Variants in FAIM2 observed in about 807,000 individuals in gnomAD.
The protein encoded by FAIM2 is Fas apoptotic inhibitory molecule 2, also known as protein lifeguard 2.
FAIM2 carries 27 observed loss-of-function variants against 47.4 expected under a neutral mutation model. The ratio of observed to expected loss-of-function variants is 0.57; its 90% CI spans 0.42 to 0.78. The LOEUF is 0.78. Ranked by LOEUF, FAIM2 falls within the 30% of genes least tolerant of loss-of-function variation. The pLI is 0.00. For synonymous variants in FAIM2, 156 were observed against 159.3 expected (o/e 0.98, Z 0.16); for missense variants, 311 against 389.4 (o/e 0.80, Z 1.69).
chr12:49,878,388 A>ATC (rs1946759465), intron 11 of FAIM2, among the ~76,000 whole-genome samples: 1 of 19,522 alleles, frequency 5.1e-5, no homozygotes, highest in African/African-American at 3.3e-4. Flanking sequence ...ATGTGTGTAT[A>ATC]TGTGTGTGTC....
chr12:49,897,778 T>C (rs989874171), intron 3 of FAIM2, among the ~76,000 whole-genome samples, 195 bp from the exon 4 acceptor site: 6 of 150,868 alleles, frequency 4.0e-5, no homozygotes, highest in East Asian at 2.0e-4. Flanking sequence ...CCCCCCAGCA[T>C]TGGGAGAAAA....
intron 11 of FAIM2, among the ~76,000 whole-genome samples, chr12:49,871,624 A>G (rs1374195458): frequency 6.6e-6 from 1 of 151,860 alleles, no homozygotes; most frequent in African/African-American, 2.4e-5. Context: ...GTGATGAAGC[A>G]CTGATCCACG....
At chr12:49,896,605 C>T in intron 5 of FAIM2, among the ~76,000 whole-genome samples, 1 of 152,210 alleles carries the variant, frequency 6.6e-6, no homozygotes, top group East Asian at 1.9e-4. Flanking sequence ...ATACCCAGCC[C>T]TTATTAAGCA....
rs79538930 is a variant in FAIM2 at position 49,889,586 on chromosome 12, G to A, written c.564-18C>T. ...TGTAGTAGCTGAGGACCGTCAGGCC[G>A]AGGGGTCAGCTCTCAGGCAGGGCAT... is the stretch of plus-strand genomic sequence containing the variant. On this transcript the variant is annotated intron_variant, in intron 8 of 11. Coordinates refer to ENST00000320634, the MANE Select transcript of FAIM2 (RefSeq NM_012306.4). 74 of 1,609,774 alleles carry A rather than the reference G, an allele frequency of 4.6e-5. 1 individual carries two copies. In the East Asian group the frequency reaches 8.9e-4, roughly 19 times the overall value.
chr12:49,901,348 G>A, intron 1 of FAIM2, 23 bp from the exon 2 acceptor site: 1 of 1,490,940 alleles, frequency 6.7e-7, no homozygotes, highest in Non-Finnish European at 8.9e-7. Flanking sequence ...GTCAGAGAGA[G>A]AGATAGTCAC....
chr12:49,901,631 T>C, intron 1 of FAIM2: 1 of 277,880 alleles, frequency 3.6e-6, no homozygotes, highest in South Asian at 1.5e-4. Context: ...GTCTCTATGG[T>C]TCCAGAAAAG....
chr12:49,901,681 G>A (rs1465943198), intron 1 of FAIM2: 1 of 179,630 alleles, frequency 5.6e-6, no homozygotes, highest in Non-Finnish European at 1.1e-5. Flanking sequence ...AAAAGGTTAT[G>A]TCATTTAATC....
At chr12:49,875,519 A>AC (rs1946730248) in intron 11 of FAIM2, among the ~76,000 whole-genome samples, 2 of 152,108 alleles carry the variant, frequency 1.3e-5, no homozygotes, top group African/African-American at 4.8e-5. Context: ...CTCTCCACTG[A>AC]CCTGGATGTC....
rs1565613910 is a variant in FAIM2, at chr12:49,879,281, T to TGTGTGG, written c.801+8104_801+8105insCCACAC. On this transcript the variant is annotated intron_variant, in intron 11 of 11. Coordinates refer to ENST00000320634, the MANE Select transcript of FAIM2 (RefSeq NM_012306.4). ...GTGTATGTGTGCATGTGTATATGTGTGTATGTGTGTGGGTATGTGTATGCA... is the reference window on the plus strand; with the variant it reads ...GTGTATGTGTGCATGTGTATATGTGTGTGTGGGTATGTGTGTGGGTATGTGTATGCA... 1.0e-4 allele frequency among the ~76,000 whole-genome samples: 3 copies of TGTGTGG among 29,292 alleles called. 1 individual carries two copies. Among genetic ancestry groups the TGTGTGG allele is most frequent in the South Asian group, 1.9e-3 (2 of 1,028 alleles). 19.2% of individuals were successfully genotyped at this position (29,292 alleles called of 152,430 possible). A position where few individuals can be genotyped will look rare whatever the true frequency, so the allele number is the denominator to read the frequency against.
chr12:49,897,488 T>C (rs772479139), intron 4 of FAIM2, 31 bp downstream of exon 4: 1 of 1,606,768 alleles, frequency 6.2e-7, no homozygotes, highest in Non-Finnish European at 8.5e-7. Context: ...TAGTCATCCC[T>C]GGAAGGTGCT....
At position 49,874,241 on chromosome 12, in the gene FAIM2, A is replaced by G. The variant is rs1946721191; in HGVS notation, c.802-3588T>C. Among the ~76,000 whole-genome samples the G allele has an allele frequency of 6.6e-6, 1 of 152,186 alleles. No individual in the cohort carries two copies. The highest frequency in any genetic ancestry group is 2.1e-4 in the South Asian group (1 of 4,836). On this transcript the variant is annotated intron_variant, in intron 11 of 11. Coordinates refer to ENST00000320634, the MANE Select transcript of FAIM2 (RefSeq NM_012306.4). The surrounding 1 kb of genome is among the most constrained non-coding windows in gnomAD (Gnocchi z 4.2). ...GGAGGCCCCCTGGGACAAGGACGCTATTAACTTACATCTGAAGAGTCCTTC... is the reference window on the plus strand; with the variant it reads ...GGAGGCCCCCTGGGACAAGGACGCTGTTAACTTACATCTGAAGAGTCCTTC...
intron 11 of FAIM2, among the ~76,000 whole-genome samples, chr12:49,883,186 T>C: frequency 6.6e-6 from 1 of 151,980 alleles, no homozygotes; most frequent in East Asian, 1.9e-4. Flanking sequence ...GATTGCGGGA[T>C]GCTCAACGGA....
chr12:49,901,542 T>G, intron 1 of FAIM2: 1 of 468,456 alleles, frequency 2.1e-6, no homozygotes, highest in South Asian at 4.3e-5. Context: ...GGAGCTGGGA[T>G]AGGAACAGAG....
Position 49,890,818 on chromosome 12 carries a change from C to T in FAIM2, c.486-96G>A, listed in dbSNP as rs1019909100. The T allele has an allele frequency of 4.9e-6, 5 of 1,021,620 alleles. No homozygotes were observed. In the African/African-American group the frequency reaches 6.3e-5, roughly 13 times the overall value. 63.3% of individuals were successfully genotyped at this position (1,021,620 alleles called of 1,614,324 possible). On this transcript the variant is annotated intron_variant, in intron 6 of 11. Coordinates refer to ENST00000320634, the MANE Select transcript of FAIM2 (RefSeq NM_012306.4). ...TGCAGGGAGGGGGTCTCTGACCAAC[C>T]CCCTCCACACTCCTCAGAGCCTCTT... is the stretch of plus-strand genomic sequence containing the variant.
chr12:49,893,163 G>C (rs17124080), intron 5 of FAIM2, among the ~76,000 whole-genome samples: 1 of 152,130 alleles, frequency 6.6e-6, no homozygotes, highest in African/African-American at 2.4e-5. Flanking sequence ...TGACTTCCCT[G>C]TATAAAATTC....
intron 8 of FAIM2, 115 bp downstream of exon 8, chr12:49,890,002 C>T: frequency 1.9e-6 from 2 of 1,039,204 alleles, no homozygotes; most frequent in African/African-American, 3.1e-5. Flanking sequence ...ATGCCTGAGC[C>T]CCCGGGCCCA....
At position 49,870,405 on chromosome 12, in the gene FAIM2, G is replaced by T; in HGVS notation, c.*99C>A. 1 of 1,143,580 alleles carries T rather than the reference G, an allele frequency of 8.7e-7. No homozygotes were observed. Among genetic ancestry groups the T allele is most frequent in the Non-Finnish European group, 1.3e-6 (1 of 781,958 alleles). The allele number at this position is 1,143,580 out of a possible 1,614,324, so 70.8% of individuals were successfully genotyped here. On this transcript the variant is annotated 3_prime_UTR_variant, in exon 12 of 12. Transcript: ENST00000320634. Reference sequence around the variant, plus strand: ...CAGTGACCTGGCCACAGGCTGGGTTGGCAGCTAGTTTTATATCTGGTCTCG... The same window carrying T: ...CAGTGACCTGGCCACAGGCTGGGTTTGCAGCTAGTTTTATATCTGGTCTCG...
intron 5 of FAIM2, 85 bp from the exon 6 acceptor site, chr12:49,891,199 AC>A: frequency 7.8e-7 from 1 of 1,287,968 alleles, no homozygotes; most frequent in Non-Finnish European, 1.1e-6. Flanking sequence ...ACTCTCTGCC[AC>A]CCCCACCCAC....
intron 1 of FAIM2, 157 bp from the exon 2 acceptor site, chr12:49,901,482 G>A: frequency 1.7e-6 from 1 of 586,270 alleles, no homozygotes; most frequent in East Asian, 3.3e-5. Flanking sequence ...CTATTTTATA[G>A]ACAAGAGAAC....
Sources: allele counts gnomAD v4.1 joint callset (sites outside exome capture counted in the v4.1 genomes callset), GRCh38; gene constraint gnomAD v4.1.1; non-coding constraint Gnocchi (gnomAD v3.1); transcripts MANE v1.5; gene names NCBI Gene and HGNC (gene_info 2026-07-23, HGNC 2026-07-21).